KLHL29: variants seen among roughly 807,000 people sequenced by gnomAD.
The protein encoded by KLHL29 is kelch-like protein 29.
KLHL29 carries 21 observed loss-of-function variants against 80.4 expected under a neutral mutation model. That is an observed-to-expected ratio of 0.26 (90% confidence interval 0.19 to 0.38). The LOEUF is 0.38. Ranked by LOEUF, KLHL29 falls within the 10% of genes least tolerant of loss-of-function variation. The pLI is 1.00. For missense variants in KLHL29, 867 were observed against 1,223.9 expected (o/e 0.71, Z 4.35); for synonymous variants, 511 against 526.8 (o/e 0.97, Z 0.41).
Position 23,415,955 on chromosome 2 carries a change from A to G in KLHL29, c.-154+30175A>G, listed in dbSNP as rs1666975673. Among the ~76,000 whole-genome samples the G allele has an allele frequency of 2.0e-5, 3 of 152,224 alleles. No homozygotes were observed. The South Asian group carries it at 6.2e-4, about 32-fold the overall frequency. Reference sequence around the variant, plus strand: ...TAAGAAGACATGGGTGAAGTGTGTAATCAATAGCTGATAAGAAATTGGTGA... The same window carrying G: ...TAAGAAGACATGGGTGAAGTGTGTAGTCAATAGCTGATAAGAAATTGGTGA... On this transcript the variant is annotated intron_variant, in intron 1 of 13. Coordinates refer to ENST00000486442, the MANE Select transcript of KLHL29 (RefSeq NM_052920.2).
chr2:23,526,844 C>T lies in KLHL29; in HGVS notation c.-45-35308C>T, dbSNP rs931822509. ...TATTTATACAACAGAAACTGATGAA[C>T]GCTGCATGCACATCAGGGTCTGGGT... On this transcript the variant is annotated intron_variant, in intron 2 of 13. Transcript: ENST00000486442. 6.6e-5 allele frequency among the ~76,000 whole-genome samples: 10 copies of T among 152,174 alleles called. No individual in the cohort carries two copies. The East Asian group carries it at 7.7e-4, about 12-fold the overall frequency.
chr2:23,450,425 T>C (rs11886954), intron 1 of KLHL29, among the ~76,000 whole-genome samples: 22,201 of 152,174 alleles, frequency 0.15, 2,767 homozygotes, highest in African/African-American at 0.32. Context: ...GGCTGTGCTG[T>C]GAGACAGATC....
chr2:23,389,971 G>T (rs1230829883), intron 1 of KLHL29, among the ~76,000 whole-genome samples: 2 of 152,130 alleles, frequency 1.3e-5, no homozygotes, highest in African/African-American at 2.4e-5. Flanking sequence ...GGTTAACAAG[G>T]AAAGATGTAT....
chr2:23,588,858 C>T (rs576982476), intron 3 of KLHL29, among the ~76,000 whole-genome samples: 2 of 152,156 alleles, frequency 1.3e-5, no homozygotes, highest in Non-Finnish European at 2.9e-5. Flanking sequence ...CAGAGCTCTC[C>T]GGTTAAGCCT....
chr2:23,691,971 G>T, intron 7 of KLHL29, 95 bp downstream of exon 7: 1 of 1,244,716 alleles, frequency 8.0e-7, no homozygotes, highest in Non-Finnish European at 1.1e-6. Context: ...AGGTCTGTGT[G>T]TGCACACCTG....
At chr2:23,468,399 T>C (rs2103433197) in intron 1 of KLHL29, among the ~76,000 whole-genome samples, 1 of 152,266 alleles carries the variant, frequency 6.6e-6, no homozygotes, top group African/African-American at 2.4e-5. Flanking sequence ...GGAGAAGATC[T>C]CTGCATCTCT....
chr2:23,682,107 T>C lies in KLHL29; in HGVS notation c.941-2292T>C, dbSNP rs1300290679. On this transcript the variant is annotated intron_variant, in intron 5 of 13. Coordinates refer to ENST00000486442, the MANE Select transcript of KLHL29 (RefSeq NM_052920.2). This position sits in a 1 kb window ranked among gnomAD's most constrained non-coding sequence, Gnocchi z 4.1. Reference sequence around the variant, plus strand: ...TCCAAAAACCTGTTAGTGGTCTCCATGCCTCCCCCTCCCCACTTCCTTCCT... The same window carrying C: ...TCCAAAAACCTGTTAGTGGTCTCCACGCCTCCCCCTCCCCACTTCCTTCCT... 6.6e-6 allele frequency among the ~76,000 whole-genome samples: 1 copy of C among 152,118 alleles called. No homozygotes were observed. Among genetic ancestry groups the C allele is most frequent in the Non-Finnish European group, 1.5e-5 (1 of 68,028 alleles).
rs1313009740 is a variant in KLHL29 at position 23,703,834 on chromosome 2, A to C, written c.2415A>C (p.Pro805=). 1.0e-5 allele frequency: 16 copies of C among 1,537,464 alleles called. No homozygotes were observed. Among genetic ancestry groups the C allele is most frequent in the Non-Finnish European group, 1.4e-5 (16 of 1,146,940 alleles). The change falls in exon 13 of 14, where the codon CCA becomes CCC. Residue 805 remains proline (P), a synonymous_variant. Coordinates refer to ENST00000486442, the MANE Select transcript of KLHL29 (RefSeq NM_052920.2). The part of the protein sequence containing the change: ...DPEKGNIKAG[P]NMNHSRQFCS... ...AGAAAGGAAACATTAAGGCGGGCCC[A>C]AACATGAACCACTCTCGCCAGTTCT...
intron 1 of KLHL29, among the ~76,000 whole-genome samples, chr2:23,468,634 C>T (rs1239082675): frequency 6.6e-6 from 1 of 152,208 alleles, no homozygotes; most frequent in African/African-American, 2.4e-5. Context: ...CTGTCTGTTT[C>T]TCCTGTCCCC....
chr2:23,592,984 T>C (rs1373699407), intron 3 of KLHL29, among the ~76,000 whole-genome samples: 1 of 152,188 alleles, frequency 6.6e-6, no homozygotes, highest in East Asian at 1.9e-4. Flanking sequence ...CAGGGCTTCA[T>C]TGTTCTCTGC....
chr2:23,388,344 A>G (rs1666236074), intron 1 of KLHL29, among the ~76,000 whole-genome samples: 1 of 152,182 alleles, frequency 6.6e-6, no homozygotes, highest in Non-Finnish European at 1.5e-5. Flanking sequence ...TTTCCAGTAG[A>G]TGAGCATTGA....
intron 1 of KLHL29, among the ~76,000 whole-genome samples, chr2:23,455,882 G>A (rs773003248): frequency 3.3e-5 from 5 of 152,046 alleles, no homozygotes; most frequent in Non-Finnish European, 5.9e-5. Context: ...TTTGGACATA[G>A]GGCCTTTAAA....
intron 2 of KLHL29, among the ~76,000 whole-genome samples, chr2:23,497,413 G>A (rs187083325): frequency 6.6e-4 from 100 of 152,242 alleles, no homozygotes; most frequent in Admixed American, 9.8e-4. Flanking sequence ...CACGTGCTCT[G>A]GAGTTCCACA....
rs1476520188 is a variant in KLHL29, at chr2:23,457,196, G to T, written c.-153-18364G>T. Among the ~76,000 whole-genome samples the T allele has an allele frequency of 6.6e-6, 1 of 152,214 alleles. No individual in the cohort carries two copies. The highest frequency in any genetic ancestry group is 2.4e-5 in the African/African-American group (1 of 41,450). ...TCCGTGCCCTGAGTGAGCGCAGGGT[G>T]CAGAGTAACCCTCACATGCACAGTG... On this transcript the variant is annotated intron_variant, in intron 1 of 13. Transcript: ENST00000486442. The surrounding 1 kb of genome is among the most constrained non-coding windows in gnomAD (Gnocchi z 4.3).
intron 3 of KLHL29, among the ~76,000 whole-genome samples, chr2:23,588,941 A>T (rs1370764383): frequency 6.6e-6 from 1 of 152,222 alleles, no homozygotes; most frequent in Admixed American, 6.5e-5. Context: ...TGATGATTTC[A>T]GACACCGGGC....
At chr2:23,600,497 G>A (rs897957506) in intron 3 of KLHL29, among the ~76,000 whole-genome samples, 8 of 152,228 alleles carry the variant, frequency 5.3e-5, no homozygotes, top group Non-Finnish European at 1.0e-4. Flanking sequence ...ATCCTCCAGC[G>A]TAATGAGCAC....
At chr2:23,586,337 C>G (rs1047258147) in intron 3 of KLHL29, among the ~76,000 whole-genome samples, 22 of 151,538 alleles carry the variant, frequency 1.5e-4, no homozygotes, top group Admixed American at 7.2e-4. Flanking sequence ...AGCCTCCCCC[C>G]CATTCCTTCT....
intron 2 of KLHL29, among the ~76,000 whole-genome samples, chr2:23,536,977 T>C (rs1666688493): frequency 6.7e-6 from 1 of 149,784 alleles, no homozygotes; most frequent in Non-Finnish European, 1.5e-5. Flanking sequence ...CTCCTTCAGG[T>C]GTGGTGTAAA....
Position 23,541,765 on chromosome 2 carries a change from C to CAAAAAAAAAAA in KLHL29, c.-45-20381_-45-20380insAAAAAAAAAAA, listed in dbSNP as rs149080311. ...AAAGAGCTTTTAAAAAAGCCCAACC[C>CAAAAAAAAAAA]AAAAAACAAAAAAAAAAAAACCATA... On this transcript the variant is annotated intron_variant, in intron 2 of 13. Transcript: ENST00000486442. Among the ~76,000 whole-genome samples the CAAAAAAAAAAA allele has an allele frequency of 1.8e-4, 25 of 139,918 alleles. 1 individual carries two copies. The highest frequency in any genetic ancestry group is 6.4e-4 in the African/African-American group (22 of 34,254). 91.8% of individuals were successfully genotyped at this position (139,918 alleles called of 152,430 possible).
Sources: gnomAD v4.1 joint callset for allele counts (sites outside exome capture counted in the v4.1 genomes callset) on GRCh38, gnomAD v4.1.1 for gene constraint, Gnocchi (gnomAD v3.1) non-coding constraint, MANE v1.5 for transcripts, NCBI Gene and HGNC (gene_info 2026-07-23, HGNC 2026-07-21) for gene names.